The following FER variants were observed in gnomAD, a reference collection of about 807,000 sequenced individuals.
FER encodes FER tyrosine kinase, also known as tyrosine-protein kinase Fer.
A neutral mutation model predicts 111.0 loss-of-function variants in FER; 63 were observed. That is an observed-to-expected ratio of 0.57 (90% CI 0.46 to 0.70). The LOEUF is 0.70. Ranked by LOEUF, FER falls within the 30% of genes least tolerant of loss-of-function variation. The probability of loss-of-function intolerance (pLI) is 0.00; values close to 1 mark genes in which losing one functional copy is unlikely to be tolerated. For missense variants in FER, 914 were observed against 954.0 expected, an observed-to-expected ratio of 0.96 and a Z score of 0.55; for synonymous variants, 327 against 313.9, an observed-to-expected ratio of 1.04 and a Z score of -0.44.
At chr5:109,181,475 A>T (rs1758285942) in intron 18 of FER, among the ~76,000 whole-genome samples, 1 of 152,134 alleles carries the variant, frequency 6.6e-6, no homozygotes, top group African/African-American at 2.4e-5. Flanking sequence ...TGTGGTTGGG[A>T]TGAAATGGGC....
intron 17 of FER, among the ~76,000 whole-genome samples, chr5:109,115,359 G>A (rs1209909149): frequency 6.6e-6 from 1 of 152,058 alleles, no homozygotes; most frequent in Non-Finnish European, 1.5e-5. Flanking sequence ...GTGACTCCTA[G>A]GTTTCTCAGA....
intron 16 of FER, among the ~76,000 whole-genome samples, chr5:109,066,411 AATT>A (rs1183567329): frequency 3.9e-5 from 6 of 152,328 alleles, no homozygotes; most frequent in African/African-American, 1.4e-4. Flanking sequence ...GTACATAGGT[AATT>A]ACATAGCACA....
chr5:109,021,670 C>G (rs1272126382), intron 13 of FER, among the ~76,000 whole-genome samples: 1 of 152,034 alleles, frequency 6.6e-6, no homozygotes, highest in Non-Finnish European at 1.5e-5. Context: ...TATCCCATCT[C>G]ATTACTATAA....
In FER at chr5:108,804,869, A is replaced by G. The variant is rs188334078; in HGVS notation, c.207+6480A>G. On this transcript the variant is annotated intron_variant, in intron 3 of 19. Transcript: ENST00000281092. ...GCTGGCTTTTTAGAATGAATTAGGTAGAATTCCCTCCTACTTGATTTTTTG... is the reference window on the plus strand; with the variant it reads ...GCTGGCTTTTTAGAATGAATTAGGTGGAATTCCCTCCTACTTGATTTTTTG... Among the ~76,000 whole-genome samples, 515 of 151,778 alleles carry G rather than the reference A, an allele frequency of 3.4e-3. 2 individuals carry two copies. The highest frequency in any genetic ancestry group is 0.012 in the African/African-American group (491 of 41,382).
intron 5 of FER, among the ~76,000 whole-genome samples, chr5:108,854,784 A>T (rs528014980): frequency 6.6e-6 from 1 of 152,094 alleles, no homozygotes; most frequent in East Asian, 1.9e-4. Flanking sequence ...CTCTACTAAA[A>T]ATACAAAAAA....
chr5:108,952,702 C>G (rs538786651), intron 11 of FER, among the ~76,000 whole-genome samples: 151 of 152,198 alleles, frequency 9.9e-4, no homozygotes, highest in African/African-American at 3.4e-3. Flanking sequence ...CCCCAGATGA[C>G]TTTTTCCCCC....
chr5:108,838,758 TTAAAA>T (rs1760931430), intron 5 of FER, among the ~76,000 whole-genome samples: 1 of 152,226 alleles, frequency 6.6e-6, no homozygotes, highest in Admixed American at 6.5e-5. Flanking sequence ...TAAATGCACC[TTAAAA>T]TAATACACCT....
At chr5:108,929,279 A>G (rs1754228233) in intron 10 of FER, among the ~76,000 whole-genome samples, 1 of 152,122 alleles carries the variant, frequency 6.6e-6, no homozygotes, top group African/African-American at 2.4e-5. Flanking sequence ...ATTTTTTTTA[A>G]TTAAAGAAGC....
intron 18 of FER, among the ~76,000 whole-genome samples, chr5:109,184,645 A>G (rs1758659688): frequency 6.6e-6 from 1 of 152,220 alleles, no homozygotes; most frequent in Non-Finnish European, 1.5e-5. Context: ...ATTTTCATGA[A>G]AAGTATTAAA....
intron 13 of FER, among the ~76,000 whole-genome samples, chr5:109,010,121 A>G (rs1252011366): frequency 6.6e-6 from 1 of 151,984 alleles, no homozygotes; most frequent in East Asian, 1.9e-4. Flanking sequence ...AGTCTACTAT[A>G]TTTCTTATTT....
chr5:109,126,826 A>G (rs1751788921), intron 17 of FER, among the ~76,000 whole-genome samples: 2 of 152,228 alleles, frequency 1.3e-5, no homozygotes, highest in African/African-American at 2.4e-5. Flanking sequence ...AGAACCAAAC[A>G]AGGTAAAGTG....
At chr5:109,122,593 T>G (rs1751121992) in intron 17 of FER, among the ~76,000 whole-genome samples, 1 of 152,080 alleles carries the variant, frequency 6.6e-6, no homozygotes, top group Admixed American at 6.6e-5. Flanking sequence ...CCAATTGGTA[T>G]ATAGTGCCGA....
intron 2 of FER, among the ~76,000 whole-genome samples, chr5:108,786,695 T>G (rs916575494): frequency 6.6e-6 from 1 of 152,130 alleles, no homozygotes; most frequent in South Asian, 2.1e-4. Flanking sequence ...GGAGACAGGG[T>G]TTCACTGTGT....
chr5:109,089,620 A>T (rs956370320), intron 16 of FER, among the ~76,000 whole-genome samples: 4 of 152,182 alleles, frequency 2.6e-5, no homozygotes, highest in African/African-American at 9.6e-5. Context: ...CAGAAACCAG[A>T]TAAGAAGTTG....
intron 13 of FER, among the ~76,000 whole-genome samples, chr5:109,027,428 A>G (rs990956157): frequency 6.6e-6 from 1 of 152,202 alleles, no homozygotes; most frequent in Non-Finnish European, 1.5e-5. Flanking sequence ...GGGGAGATAT[A>G]TAGGAATAGA....
At chr5:108,949,486 G>A (rs1757439564) in intron 11 of FER, among the ~76,000 whole-genome samples, 2 of 152,012 alleles carry the variant, frequency 1.3e-5, no homozygotes, top group Admixed American at 1.3e-4. Flanking sequence ...GGAAAATTAA[G>A]TTTTGAATCA....
At chr5:108,798,010 T>C (rs919122595) in intron 2 of FER, 114 bp from the exon 3 acceptor site, 4 of 548,298 alleles carry the variant, frequency 7.3e-6, no homozygotes, top group Non-Finnish European at 1.3e-5. Context: ...GAAGAAAGTA[T>C]TCAGTTGTGT....
At chr5:109,120,979 T>C (rs1434703426) in intron 17 of FER, among the ~76,000 whole-genome samples, 5 of 152,178 alleles carry the variant, frequency 3.3e-5, no homozygotes, top group Admixed American at 1.3e-4. Flanking sequence ...ATTTTGTTAG[T>C]TCTCATAGTT....
intron 17 of FER, among the ~76,000 whole-genome samples, chr5:109,154,678 C>T (rs1376524922): frequency 1.3e-5 from 2 of 151,930 alleles, no homozygotes; most frequent in African/African-American, 2.4e-5. Flanking sequence ...TACTATTCGA[C>T]ATCTATATCA....
Sources: gnomAD v4.1 joint callset for allele counts (sites outside exome capture counted in the v4.1 genomes callset) on GRCh38, gnomAD v4.1.1 for gene constraint, MANE v1.5 for transcripts, NCBI Gene and HGNC (gene_info 2026-07-23, HGNC 2026-07-21) for gene names.